The following SLC26A9 variants were observed in gnomAD, a reference collection of about 807,000 sequenced individuals.
SLC26A9 encodes the protein solute carrier family 26 member 9.
SLC26A9 carries 46 observed loss-of-function variants against 87.1 expected under a neutral mutation model. That is an observed-to-expected ratio of 0.53 (90% CI 0.42 to 0.67). The LOEUF is 0.67. SLC26A9 is among the 30% of genes least tolerant of loss of function. The pLI is 0.00. For missense variants in SLC26A9, 927 were observed against 1,018.3 expected, an observed-to-expected ratio of 0.91 and a Z score of 1.22; for synonymous variants, 437 against 409.1, an observed-to-expected ratio of 1.07 and a Z score of -0.82.
In SLC26A9 at chr1:205,918,876, A is replaced by G. The variant is rs1182804550; in HGVS notation, c.2220T>C (p.Asn740=). The change falls in exon 19 of 21, where the codon AAT becomes AAC. Residue 740 remains asparagine (N), a synonymous_variant. Transcript: ENST00000367135. The part of the protein sequence containing the change: ...IHDAVLFAQA[N]ARDVTPGHNF... ...TGTGTCCTGGGGTCACGTCTCTAGC[A>G]TTTGCCTGGGCAAAGAGGACTGCGT... is the stretch of plus-strand genomic sequence containing the variant. The G allele has an allele frequency of 1.2e-6, 2 of 1,614,058 alleles. No homozygotes were observed. The highest frequency in any genetic ancestry group is 1.7e-5 in the Admixed American group (1 of 60,004).
rs767064445 is a variant in SLC26A9 at position 205,921,676 on chromosome 1, G to T, written c.1945C>A (p.Pro649Thr). 6.3e-7 allele frequency: 1 copy of T among 1,598,262 alleles called. No individual in the cohort carries two copies. The highest frequency in any genetic ancestry group is 1.1e-5 in the South Asian group (1 of 88,704). The change falls in exon 17 of 21, where the codon CCC (proline) becomes ACC (threonine). Residue 649 changes from proline to threonine, a missense_variant. Coordinates refer to ENST00000367135, the MANE Select transcript of SLC26A9 (RefSeq NM_052934.4). ...GGGACGCTGGCCAGCATGTCACTGG[G>T]CTCGCCGGGGGCCTCAGCGGAGGCT... ...PPASAEAPGE[P>T]SDMLASVPPF...
At chr1:205,940,712 G>A (rs1659705075) in intron 1 of SLC26A9, among the ~76,000 whole-genome samples, 1 of 152,224 alleles carries the variant, frequency 6.6e-6, no homozygotes, top group Admixed American at 6.5e-5. Flanking sequence ...AACATCTGCA[G>A]AGCAGGACTG....
chr1:205,915,277 C>G lies in SLC26A9; in HGVS notation c.*80G>C. The G allele has an allele frequency of 2.5e-6, 4 of 1,605,312 alleles. No individual in the cohort carries two copies. Among genetic ancestry groups the G allele is most frequent in the Non-Finnish European group, 3.4e-6 (4 of 1,174,768 alleles). ...GATGCACTTTCCTCCGCCCGACACC[C>G]CCTGTGACCCCAGGCTCATCCTTTA... On this transcript the variant is annotated 3_prime_UTR_variant, in exon 21 of 21. Coordinates refer to ENST00000367135, the MANE Select transcript of SLC26A9 (RefSeq NM_052934.4).
In SLC26A9 at chr1:205,927,852, G is replaced by A. The variant is rs756386755; in HGVS notation, c.1101+50C>T. On this transcript the variant is annotated intron_variant, in intron 9 of 20. Transcript: ENST00000367135. ...CCCCACCCAAGATATGTCATGCCAG[G>A]CCTGAGTTGACCTGTCCTGCCCAGT... 5 of 1,591,562 alleles carry A rather than the reference G, an allele frequency of 3.1e-6. No individual in the cohort carries two copies. In the African/African-American group the frequency reaches 4.0e-5, roughly 13 times the overall value.
chr1:205,924,824 G>A (rs141530127), intron 12 of SLC26A9: 402 of 247,098 alleles, frequency 1.6e-3, no homozygotes, highest in African/African-American at 8.7e-3. Flanking sequence ...GGAGTCACAG[G>A]GTCTTGCTCT....
At chr1:205,932,111 T>C in intron 4 of SLC26A9, 76 bp from the exon 5 acceptor site, 2 of 1,564,568 alleles carry the variant, frequency 1.3e-6, no homozygotes, top group Non-Finnish European at 1.7e-6. Flanking sequence ...GGCCCAGGAA[T>C]GCTTCCCGAC....
chr1:205,928,181 A>G, intron 8 of SLC26A9, 132 bp from the exon 9 acceptor site: 2 of 1,089,964 alleles, frequency 1.8e-6, no homozygotes, highest in Non-Finnish European at 2.6e-6. Flanking sequence ...TATCCCATCC[A>G]GTCTGAATCC....
chr1:205,916,784 C>T (rs992666807), intron 20 of SLC26A9, among the ~76,000 whole-genome samples: 4 of 152,142 alleles, frequency 2.6e-5, no homozygotes, highest in African/African-American at 4.8e-5. Context: ...CCTCTCCCCA[C>T]GATAACTTTC....
intron 1 of SLC26A9, among the ~76,000 whole-genome samples, chr1:205,942,471 C>G (rs79698238): frequency 0.035 from 5,289 of 152,302 alleles, 287 homozygotes; most frequent in African/African-American, 0.11. Context: ...GTCTTCTGGT[C>G]CTCAGACCCG....
At chr1:205,915,969 C>T (rs1658576531) in intron 20 of SLC26A9, among the ~76,000 whole-genome samples, 1 of 152,220 alleles carries the variant, frequency 6.6e-6, no homozygotes, top group Admixed American at 6.5e-5. Context: ...CACTACTTCT[C>T]ATAGACCCAA....
intron 4 of SLC26A9, 54 bp from the exon 5 acceptor site, chr1:205,932,089 A>T (rs1431146223): frequency 7.5e-6 from 12 of 1,597,462 alleles, no homozygotes; most frequent in Non-Finnish European, 9.4e-6. Context: ...ACACCGATGG[A>T]AACCAGAAAG....
chr1:205,931,465 G>GTCTTTTTTTT (rs1659300334), intron 5 of SLC26A9, among the ~76,000 whole-genome samples: 1 of 96,012 alleles, frequency 1.0e-5, no homozygotes, highest in Non-Finnish European at 2.0e-5. Context: ...CCCTAACTTG[G>GTCTTTTTTTT]TTTTTTTTTT....
chr1:205,922,247 G>A (rs917996105), intron 16 of SLC26A9, among the ~76,000 whole-genome samples: 3 of 152,202 alleles, frequency 2.0e-5, no homozygotes, highest in East Asian at 1.9e-4. Context: ...AGTGATTCTC[G>A]TGCCTCAGCC....
chr1:205,929,441 A>T (rs1249575828), intron 6 of SLC26A9, 85 bp from the exon 7 acceptor site: 1 of 1,551,228 alleles, frequency 6.4e-7, no homozygotes, highest in Non-Finnish European at 8.7e-7. Flanking sequence ...CAGGGAAGGG[A>T]TGCCATCAAA....
At chr1:205,935,919 C>T in intron 1 of SLC26A9, 81 bp from the exon 2 acceptor site, 1 of 1,460,144 alleles carries the variant, frequency 6.8e-7, no homozygotes. Context: ...CTGGTCCTTG[C>T]AGTAGCAGAG....
At position 205,927,960 on chromosome 1, in the gene SLC26A9, T is replaced by C; in HGVS notation, c.1043A>G (p.Asn348Ser). ...GGCCAGGGTCCGGCCCATAGCCAGG[T>C]TGATGACGTAGCTCACGATGGCTAG... ...FSLAIVSYVINLAMGRTLANK... is the reference protein window; with the variant it reads ...FSLAIVSYVISLAMGRTLANK... Residue 348 changes from asparagine to serine, a missense_variant, in exon 9 of 21, where the codon AAC becomes AGC. Transcript: ENST00000367135. 1 of 1,614,186 alleles carries C rather than the reference T, an allele frequency of 6.2e-7. No individual in the cohort carries two copies. Among genetic ancestry groups the C allele is most frequent in the Non-Finnish European group, 8.5e-7 (1 of 1,180,010 alleles).
intron 20 of SLC26A9, 56 bp downstream of exon 20, chr1:205,917,227 C>G: frequency 6.3e-7 from 1 of 1,586,898 alleles, no homozygotes; most frequent in Admixed American, 1.7e-5. Flanking sequence ...GACAGCGACC[C>G]CATCCTTCCC....
chr1:205,930,611 A>T (rs1659265958), intron 5 of SLC26A9, among the ~76,000 whole-genome samples: 1 of 152,162 alleles, frequency 6.6e-6, no homozygotes, highest in Non-Finnish European at 1.5e-5. Context: ...AATCAGACCC[A>T]AAGTCGCTGT....
At position 205,917,306 on chromosome 1, in the gene SLC26A9, G is replaced by A. The variant is rs758627816; in HGVS notation, c.2305C>T (p.Arg769Cys). 26 of 1,613,864 alleles carry A rather than the reference G, an allele frequency of 1.6e-5. No homozygotes were observed. In the East Asian group the frequency reaches 2.5e-4, roughly 15 times the overall value. The change falls in exon 20 of 21, where the codon CGC (arginine) becomes TGC (cysteine). Residue 769 changes from arginine to cysteine, a missense_variant. Arg to Cys is a radical substitution (Grantham distance 180). Coordinates refer to ENST00000367135, the MANE Select transcript of SLC26A9 (RefSeq NM_052934.4). ...LSLYDSEEDI[R>C]SYWDLEQEMF... ...ACCTGCTCTAAGTCCCAGTAGCTGC[G>A]AATGTCCTCCTCTGAGTCGTACAAG...
Sources: allele counts gnomAD v4.1 joint callset (sites outside exome capture counted in the v4.1 genomes callset), GRCh38; gene constraint gnomAD v4.1.1; transcripts MANE v1.5; gene names NCBI Gene and HGNC (gene_info 2026-07-23, HGNC 2026-07-21).